CCDC9: variants seen among roughly 807,000 people sequenced by gnomAD.
The protein encoded by CCDC9 is coiled-coil domain containing 9, also known as coiled-coil domain-containing protein 9.
CCDC9 carries 52 observed loss-of-function variants against 65.6 expected under a neutral mutation model. That is an observed-to-expected ratio of 0.79 (90% CI 0.63 to 1.00). CCDC9 has a LOEUF of 1.00. Ranked by LOEUF, CCDC9 falls within the 50% of genes least tolerant of loss-of-function variation. CCDC9 has a pLI of 0.00. For missense variants in CCDC9, 834 were observed against 757.2 expected (o/e 1.10, Z -1.19); for synonymous variants, 332 against 280.3 (o/e 1.18, Z -1.84).
intron 7 of CCDC9, chr19:47,266,366 A>C (rs2059082403): frequency 4.3e-6 from 2 of 460,034 alleles, no homozygotes; most frequent in Admixed American, 7.8e-5. Flanking sequence ...AAATGAAAAT[A>C]TAGTGAGATG....
At chr19:47,275,115 G>T, downstream of CCDC9, 2 of 1,492,624 alleles carry the variant, frequency 1.3e-6, no homozygotes, top group Non-Finnish European at 1.8e-6. Flanking sequence ...GGCACCCGCC[G>T]GCCCACAGCC....
chr19:47,274,034 C>CG, downstream of CCDC9: 1 of 948,138 alleles, frequency 1.1e-6, no homozygotes, highest in Non-Finnish European at 1.3e-6. Context: ...GGGGAGGGGG[C>CG]GTGAGGAGGG....
rs538184871 is a variant in CCDC9 at position 47,264,861 on chromosome 19, G to A, written c.635G>A (p.Arg212His). The change falls in exon 7 of 12, where the codon CGC becomes CAC. Residue 212 changes from arginine to histidine, a missense_variant. Coordinates refer to ENST00000221922, the MANE Select transcript of CCDC9 (RefSeq NM_015603.3). Reference protein sequence around the residue: ...SGPLEESERDRREESRRHGRN... With the variant: ...SGPLEESERDHREESRRHGRN... ...CCCCTGGAGGAGTCTGAGCGGGACC[G>A]CCGGGAGGAGAGCCGCCGGCACGGC... is the stretch of plus-strand genomic sequence containing the variant. 2.9e-5 allele frequency: 43 copies of A among 1,499,612 alleles called. No homozygotes were observed. Among genetic ancestry groups the A allele is most frequent in the Middle Eastern group, 1.8e-4 (1 of 5,504 alleles). The allele number at this position is 1,499,612 out of a possible 1,614,324, so 92.9% of individuals were successfully genotyped here. A position where few individuals can be genotyped will look rare whatever the true frequency, so the allele number is the denominator to read the frequency against.
Position 47,271,276 on chromosome 19 carries a change from A to G in CCDC9, c.1194A>G (p.Pro398=), listed in dbSNP as rs775178521. Residue 398 remains proline, a splice_region_variant and synonymous_variant, in exon 12 of 12, where the codon CCA becomes CCG. Transcript: ENST00000221922. ...CTGACTTGCCTGTGTCCCCAAAGCC[A>G]CCCGAGATCCCAGCTCCTGCCCACC... ...ETSPKETPMQ[P]PEIPAPAHRP... is the part of the protein sequence containing the mutation. 57 of 1,612,160 alleles carry G rather than the reference A, an allele frequency of 3.5e-5. No individual in the cohort carries two copies. Among genetic ancestry groups the G allele is most frequent in the Non-Finnish European group, 4.6e-5 (54 of 1,179,134 alleles).
chr19:47,268,921 A>AAATAATAAT (rs200348472), intron 8 of CCDC9, among the ~76,000 whole-genome samples: 1 of 150,768 alleles, frequency 6.6e-6, no homozygotes, highest in Non-Finnish European at 1.5e-5. Flanking sequence ...CCGTTTCAAA[A>AAATAATAAT]AATAATAATA....
Position 47,271,655 on chromosome 19 carries a change from G to A in CCDC9, c.1573G>A (p.Ala525Thr). The A allele has an allele frequency of 6.2e-7, 1 of 1,600,138 alleles. No homozygotes were observed. The highest frequency in any genetic ancestry group is 8.5e-7 in the Non-Finnish European group (1 of 1,173,476). Residue 525 changes from alanine to threonine, a missense_variant, in exon 12 of 12, where the codon GCC becomes ACC. Coordinates refer to ENST00000221922, the MANE Select transcript of CCDC9 (RefSeq NM_015603.3). ...HLAGALSPGE[A>T]WPFESV is the part of the protein sequence containing the mutation. ...GGCTGGCGCCCTCTCCCCGGGTGAGGCCTGGCCTTTTGAGAGTGTATGAAG... is the reference window on the plus strand; with the variant it reads ...GGCTGGCGCCCTCTCCCCGGGTGAGACCTGGCCTTTTGAGAGTGTATGAAG...
chr19:47,264,607 G>A lies in CCDC9; in HGVS notation c.467G>A (p.Trp156Ter). The change falls in exon 6 of 12, where the codon TGG becomes TAG. Residue 156 changes from tryptophan to a stop codon, truncating the protein, a stop_gained. Transcript: ENST00000221922. LOFTEE classifies it high-confidence loss of function. ...TCCCTATCTTTATCCCCCCAGGAGTGGGAGGAGCGGCGCAGGCAGAACATT... is the reference window on the plus strand; with the variant it reads ...TCCCTATCTTTATCCCCCCAGGAGTAGGAGGAGCGGCGCAGGCAGAACATT... ...TSISDRKSKEWEERRRQNIEK... is the reference protein window; with the variant it reads ...TSISDRKSKE 6.3e-7 allele frequency: 1 copy of A among 1,596,068 alleles called. No homozygotes were observed. The highest frequency in any genetic ancestry group is 1.7e-4 in the Middle Eastern group (1 of 6,028).
At chr19:47,274,001 G>A (rs1354879955), downstream of CCDC9, 2 of 984,136 alleles carry the variant, frequency 2.0e-6, no homozygotes, top group Admixed American at 1.2e-4. Flanking sequence ...GCTGGGAGGG[G>A]ACTGAAGCTT....
At chr19:47,264,731 C>T (rs1485094681) in intron 6 of CCDC9, 42 bp from the exon 7 acceptor site, 9 of 1,602,738 alleles carry the variant, frequency 5.6e-6, no homozygotes, top group Non-Finnish European at 7.7e-6. Context: ...GCTGCCTGGG[C>T]TGCGGGGAGC....
Position 47,258,370 on chromosome 19 carries a change from G to A in CCDC9, c.-31G>A. 1.2e-6 allele frequency: 2 copies of A among 1,613,688 alleles called. No homozygotes were observed. The highest frequency in any genetic ancestry group is 1.7e-6 in the Non-Finnish European group (2 of 1,179,668). ...CGTCTAGATTCTGCAGGGGAGGTTT[G>A]CTGGGACCTTGGCTCCACGCAGCCA... On this transcript the variant is annotated 5_prime_UTR_variant, in exon 2 of 12. Transcript: ENST00000221922.
chr19:47,259,335 G>A (rs947840375), intron 3 of CCDC9, among the ~76,000 whole-genome samples: 3 of 152,130 alleles, frequency 2.0e-5, no homozygotes, highest in Admixed American at 6.5e-5. Context: ...GGAGAGCCTT[G>A]AGCAGGGGTG....
chr19:47,266,274 C>T (rs149201448), intron 7 of CCDC9: 3,188 of 244,936 alleles, frequency 0.013, 127 homozygotes, highest in African/African-American at 0.065. Context: ...GGATTACAGG[C>T]GTGAGCCACC....
intron 4 of CCDC9, 65 bp downstream of exon 4, chr19:47,260,487 C>A: frequency 1.2e-6 from 2 of 1,601,468 alleles, no homozygotes. Flanking sequence ...AGGCCTGGGA[C>A]CCAGGAGCCC....
downstream of CCDC9, chr19:47,275,595 C>G (rs116246903): frequency 1.3e-5 from 7 of 549,654 alleles, no homozygotes; most frequent in African/African-American, 1.2e-4. Context: ...TGTCTCCTGC[C>G]CCTCCTGCTG....
downstream of CCDC9, among the ~76,000 whole-genome samples, chr19:47,272,680 T>C (rs2059131304): frequency 6.6e-6 from 1 of 152,128 alleles, no homozygotes; most frequent in South Asian, 2.1e-4. Flanking sequence ...CTACGAAATT[T>C]GAACTGGCTC....
chr19:47,268,394 C>T (rs1208480973), intron 8 of CCDC9, among the ~76,000 whole-genome samples: 1 of 152,088 alleles, frequency 6.6e-6, no homozygotes. Flanking sequence ...TGTTTTTTGG[C>T]TTTGGCTAAG....
At chr19:47,263,969 C>T (rs1399548351) in intron 5 of CCDC9, among the ~76,000 whole-genome samples, 1 of 151,390 alleles carries the variant, frequency 6.6e-6, no homozygotes, top group Non-Finnish European at 1.5e-5. Flanking sequence ...ACGTCCACCT[C>T]CTGGGTTCAA....
downstream of CCDC9, chr19:47,275,151 G>A (rs770319502): frequency 2.0e-6 from 3 of 1,484,240 alleles, no homozygotes; most frequent in Non-Finnish European, 2.7e-6. Flanking sequence ...TCCGTGTGCT[G>A]CCCGCCCGGG....
Position 47,266,812 on chromosome 19 carries a change from C to T in CCDC9, c.902+20C>T. 1.3e-6 allele frequency: 2 copies of T among 1,592,416 alleles called. No individual in the cohort carries two copies. Among genetic ancestry groups the T allele is most frequent in the Non-Finnish European group, 1.7e-6 (2 of 1,169,866 alleles). ...TGGGATGTGAGTCTCCTCCCCGCTC[C>T]TCTCCCCATGTGGCACGTTGACCTT... On this transcript the variant is annotated intron_variant, in intron 8 of 11. Transcript: ENST00000221922.
Sources: gnomAD v4.1 joint callset for allele counts (sites outside exome capture counted in the v4.1 genomes callset) on GRCh38, gnomAD v4.1.1 for gene constraint, MANE v1.5 for transcripts, NCBI Gene and HGNC (gene_info 2026-07-23, HGNC 2026-07-21) for gene names.